Variants in PDE1C observed in about 807,000 individuals in gnomAD.
The protein encoded by PDE1C is dual specificity calcium/calmodulin-dependent 3',5'-cyclic nucleotide phosphodiesterase 1C.
PDE1C carries 62 observed loss-of-function variants against 93.1 expected under a neutral mutation model. That is an observed-to-expected ratio of 0.67 (90% CI 0.54 to 0.82). The LOEUF is 0.82. Ranked by LOEUF, PDE1C falls within the 40% of genes least tolerant of loss-of-function variation. PDE1C has a pLI of 0.00. For missense variants in PDE1C, 742 were observed against 884.6 expected (o/e 0.84, Z 2.04); for synonymous variants, 325 against 310.1 (o/e 1.05, Z -0.50).
chr7:31,995,668 T>C (rs17160765), intron 2 of PDE1C, among the ~76,000 whole-genome samples: 25,388 of 152,056 alleles, frequency 0.17, 2,541 homozygotes, highest in Admixed American at 0.32. Context: ...ATAGATTTTC[T>C]ACTCAACTTT....
intron 1 of PDE1C, among the ~76,000 whole-genome samples, chr7:32,309,775 G>T (rs1813121905): frequency 6.6e-6 from 1 of 152,130 alleles, no homozygotes; most frequent in Non-Finnish European, 1.5e-5. Context: ...GGAAAAACTG[G>T]TACCAACCAC....
At chr7:32,081,999 AGATAGTGGGTGCAG>A (rs1299304811) in intron 3 of PDE1C, among the ~76,000 whole-genome samples, 2 of 152,188 alleles carry the variant, frequency 1.3e-5, no homozygotes, top group Non-Finnish European at 2.9e-5. Context: ...AGGGAGTGCC[AGATAGTGGGTGCAG>A]GACAGTGGGT....
chr7:31,697,043 A>AT, the PDE1C span: 1 of 1,614,184 alleles, frequency 6.2e-7, no homozygotes, highest in Non-Finnish European at 8.5e-7. Flanking sequence ...CCTGTTCTTC[A>AT]TAACACTGAC....
In PDE1C at chr7:32,195,701, A is replaced by AAAG. The variant is rs1554284300; in HGVS notation, c.136+13787_136+13788insCTT. ...ACCCTGTCTCAAATTTTTAAAAATA[A>AAAG]AATAATAATAATAATAATGAATTTT... On this transcript the variant is annotated intron_variant, in intron 2 of 18. Coordinates refer to the PDE1C transcript ENST00000396193. 1.1e-3 allele frequency among the ~76,000 whole-genome samples: 167 copies of AAAG among 152,186 alleles called. 2 individuals are homozygous for AAAG. Among genetic ancestry groups the AAAG allele is most frequent in the Admixed American group, 0.011 (167 of 15,288 alleles).
At chr7:32,283,280 C>A (rs182979677) in intron 1 of PDE1C, among the ~76,000 whole-genome samples, 266 of 152,214 alleles carry the variant, frequency 1.7e-3, no homozygotes, top group African/African-American at 5.5e-3. Context: ...AACTACAATA[C>A]AGTAATGGTC....
At chr7:32,152,643 C>T (rs773529046) in intron 3 of PDE1C, among the ~76,000 whole-genome samples, 27 of 152,202 alleles carry the variant, frequency 1.8e-4, no homozygotes, top group Middle Eastern at 3.4e-3. Flanking sequence ...TCTGCCCCTA[C>T]GATGCAGTTT....
chr7:31,675,438 C>T, the PDE1C span, among the ~76,000 whole-genome samples: 3 of 152,072 alleles, frequency 2.0e-5, no homozygotes, highest in African/African-American at 7.2e-5. Flanking sequence ...TTGGTGGTGG[C>T]TTTGTGTTGT....
chr7:31,643,633 A>G, the PDE1C span: 1 of 1,614,056 alleles, frequency 6.2e-7, no homozygotes, highest in Non-Finnish European at 8.5e-7. Flanking sequence ...GACAAAAGCA[A>G]GACAGTTAAA....
intron 1 of PDE1C, among the ~76,000 whole-genome samples, chr7:32,218,397 A>G (rs997522315): frequency 2.0e-5 from 3 of 152,232 alleles, no homozygotes; most frequent in African/African-American, 7.2e-5. Flanking sequence ...TGCACTTTCC[A>G]GACCCTTCTC....
At chr7:31,907,110 G>C (rs1800701898) in intron 2 of PDE1C, among the ~76,000 whole-genome samples, 1 of 136,176 alleles carries the variant, frequency 7.3e-6, no homozygotes, top group Non-Finnish European at 1.7e-5. Flanking sequence ...TCTTACCTCA[G>C]GGCCAGAACT....
intron 1 of PDE1C, among the ~76,000 whole-genome samples, chr7:32,407,914 G>A (rs2128097159): frequency 6.6e-6 from 1 of 152,190 alleles, no homozygotes; most frequent in Admixed American, 6.5e-5. Flanking sequence ...CCAAGCAGCA[G>A]CAGACCTGCA....
At chr7:32,001,292 G>A (rs1388253435) in intron 2 of PDE1C, among the ~76,000 whole-genome samples, 1 of 152,164 alleles carries the variant, frequency 6.6e-6, no homozygotes, top group Non-Finnish European at 1.5e-5. Flanking sequence ...TTTAAAAGCT[G>A]TTTTTTAAGT....
chr7:32,366,984 G>T (rs555731318), intron 1 of PDE1C, among the ~76,000 whole-genome samples: 3 of 151,980 alleles, frequency 2.0e-5, no homozygotes, highest in Middle Eastern at 3.4e-3. Context: ...AGCTGAGATC[G>T]CACCATTGCA....
chr7:31,953,354 G>A (rs1281966027), intron 2 of PDE1C, among the ~76,000 whole-genome samples: 1 of 152,174 alleles, frequency 6.6e-6, no homozygotes, highest in Non-Finnish European at 1.5e-5. Context: ...AATCTTGGGA[G>A]AGAGGAGGGA....
chr7:32,318,522 G>A (rs1783219847), intron 1 of PDE1C, among the ~76,000 whole-genome samples: 1 of 152,206 alleles, frequency 6.6e-6, no homozygotes, highest in Admixed American at 6.5e-5. Context: ...CAGAAGGGCA[G>A]TAGGAACACA....
intron 1 of PDE1C, among the ~76,000 whole-genome samples, chr7:32,403,661 C>T (rs544800309): frequency 1.3e-5 from 2 of 152,278 alleles, no homozygotes; most frequent in Admixed American, 1.3e-4. Flanking sequence ...TCCAATCATC[C>T]TAAAACTACT....
chr7:32,091,133 T>C (rs548634342), intron 3 of PDE1C, among the ~76,000 whole-genome samples: 2 of 152,376 alleles, frequency 1.3e-5, no homozygotes, highest in African/African-American at 2.4e-5. Context: ...GTAGTGCTTA[T>C]TGAATACTCC....
the PDE1C span, among the ~76,000 whole-genome samples, chr7:31,619,443 T>A: frequency 1.3e-5 from 2 of 152,350 alleles, no homozygotes; most frequent in Admixed American, 1.3e-4. Context: ...ACTTATTGTT[T>A]CAACTGTATG....
intron 2 of PDE1C, among the ~76,000 whole-genome samples, chr7:31,956,488 TG>T (rs1808166406): frequency 6.7e-6 from 1 of 149,876 alleles, no homozygotes; most frequent in Non-Finnish European, 1.5e-5. Context: ...TTGTTCGTTT[TG>T]TTTTTTTTTT....
Sources: allele counts gnomAD v4.1 joint callset (sites outside exome capture counted in the v4.1 genomes callset), GRCh38; gene constraint gnomAD v4.1.1; transcripts MANE v1.5; gene names NCBI Gene and HGNC (gene_info 2026-07-23, HGNC 2026-07-21).